MAP3K4: variants seen among roughly 807,000 people sequenced by gnomAD.
The protein encoded by MAP3K4 is mitogen-activated protein kinase kinase kinase 4, also known as MAP three kinase 1.
MAP3K4 carries 67 observed loss-of-function variants against 185.6 expected under a neutral mutation model. The ratio of observed to expected loss-of-function variants is 0.36; its 90% CI spans 0.30 to 0.44. The LOEUF (loss-of-function observed/expected upper bound fraction) is 0.44. Ranked by LOEUF, MAP3K4 falls within the 20% of genes least tolerant of loss-of-function variation. The pLI is 1.00. For synonymous variants in MAP3K4, 702 were observed against 710.4 expected, an observed-to-expected ratio of 0.99 and a Z score of 0.19; for missense variants, 1,551 against 1,995.1, an observed-to-expected ratio of 0.78 and a Z score of 4.24.
chr6:161,115,025 A>T lies in MAP3K4; in HGVS notation c.4627-98A>T. The T allele has an allele frequency of 9.1e-7, 1 of 1,095,512 alleles. No homozygotes were observed. Among genetic ancestry groups the T allele is most frequent in the Non-Finnish European group, 1.3e-6 (1 of 755,016 alleles). 67.9% of individuals were successfully genotyped at this position (1,095,512 alleles called of 1,614,324 possible). A position where few individuals can be genotyped will look rare whatever the true frequency, so the allele number is the denominator to read the frequency against. ...CAGTAAAAATTTGCTGTCCCCTGAT[A>T]TATATTAATGATGAGATGCTTAAAA... On this transcript the variant is annotated intron_variant, in intron 25 of 26. Coordinates refer to ENST00000392142, the MANE Select transcript of MAP3K4 (RefSeq NM_005922.4). The surrounding 1 kb of genome is among the most constrained non-coding windows in gnomAD (Gnocchi z 6.0).
rs1036854835 is a variant in MAP3K4 at position 161,108,630 on chromosome 6, G to A, written c.4120-113G>A. ...ACTTAATTTTTTGTTGTTTTTAATT[G>A]ACAAATCATGATTACATATATTTAT... On this transcript the variant is annotated intron_variant, in intron 21 of 26. Transcript: ENST00000392142. This position sits in a 1 kb window ranked among gnomAD's most constrained non-coding sequence, Gnocchi z 5.7. 4.3e-6 allele frequency: 3 copies of A among 699,112 alleles called. No individual in the cohort carries two copies. In the African/African-American group the frequency reaches 5.4e-5, roughly 13 times the overall value. The allele number at this position is 699,112 out of a possible 1,614,324, so 43.3% of individuals were successfully genotyped here.
chr6:160,994,383 G>A (rs1173040523), intron 1 of MAP3K4, among the ~76,000 whole-genome samples: 1 of 152,086 alleles, frequency 6.6e-6, no homozygotes. Context: ...AAGTGAATAC[G>A]ATGTTTGGTT....
chr6:161,001,127 A>G (rs1313427754), intron 1 of MAP3K4, among the ~76,000 whole-genome samples: 1 of 146,330 alleles, frequency 6.8e-6, no homozygotes, highest in Non-Finnish European at 1.5e-5. Flanking sequence ...ACACATATAT[A>G]ATACAAGTGT....
At position 161,037,479 on chromosome 6, in the gene MAP3K4, C is replaced by A. The variant is rs758865482; in HGVS notation, c.343+3030C>A. ...TGTTGCCCAGGCTGGAGTGCAGTGG[C>A]GCGATCTCAGCTCACTGCAACCTCC... is the stretch of plus-strand genomic sequence containing the variant. On this transcript the variant is annotated intron_variant, in intron 2 of 26. Coordinates refer to ENST00000392142, the MANE Select transcript of MAP3K4 (RefSeq NM_005922.4). The surrounding 1 kb of genome is among the most constrained non-coding windows in gnomAD (Gnocchi z 4.2). 2.0e-5 allele frequency among the ~76,000 whole-genome samples: 3 copies of A among 152,170 alleles called. No homozygotes were observed. Among genetic ancestry groups the A allele is most frequent in the Middle Eastern group, 3.4e-3 (1 of 294 alleles).
At chr6:161,015,308 A>G (rs952910993) in intron 1 of MAP3K4, among the ~76,000 whole-genome samples, 1 of 148,950 alleles carries the variant, frequency 6.7e-6, no homozygotes, top group Non-Finnish European at 1.5e-5. Flanking sequence ...GGGCCTGTTG[A>G]TGGTGGGGGG....
intron 1 of MAP3K4, among the ~76,000 whole-genome samples, chr6:161,003,174 C>T (rs1395945564): frequency 6.6e-6 from 1 of 152,082 alleles, no homozygotes; most frequent in Non-Finnish European, 1.5e-5. Flanking sequence ...AGTTTTAAGG[C>T]TTTTGAGAGG....
At chr6:161,081,465 C>T (rs1052763126) in intron 6 of MAP3K4, among the ~76,000 whole-genome samples, 5 of 151,984 alleles carry the variant, frequency 3.3e-5, no homozygotes, top group Admixed American at 6.5e-5. Flanking sequence ...AATATACCCG[C>T]GTATATCAGT....
intron 1 of MAP3K4, among the ~76,000 whole-genome samples, chr6:161,021,670 G>T (rs1326051544): frequency 1.3e-5 from 2 of 152,162 alleles, no homozygotes; most frequent in East Asian, 3.8e-4. Context: ...AAATACACTT[G>T]TGTATGTAAT....
Position 161,117,327 on chromosome 6 carries a change from T to A in MAP3K4, c.*457T>A, listed in dbSNP as rs1049978218. 6.4e-6 allele frequency: 1 copy of A among 156,756 alleles called. No individual in the cohort carries two copies. The highest frequency in any genetic ancestry group is 2.4e-5 in the African/African-American group (1 of 41,640). The allele number at this position is 156,756 out of a possible 1,614,324, so 9.7% of individuals were successfully genotyped here. A position where few individuals can be genotyped will look rare whatever the true frequency, so the allele number is the denominator to read the frequency against. ...CAGGTTTGTAATGCAAAAGGCTGAT[T>A]ACTGAAATTTAAGAAAAAGGTTCTT... On this transcript the variant is annotated 3_prime_UTR_variant, in exon 27 of 27. Transcript: ENST00000392142.
At position 161,108,997 on chromosome 6, in the gene MAP3K4, T is replaced by A; in HGVS notation, c.4236+138T>A. The A allele has an allele frequency of 6.3e-7, 1 of 1,598,818 alleles. No individual in the cohort carries two copies. On this transcript the variant is annotated intron_variant, in intron 22 of 26. Transcript: ENST00000392142. The surrounding 1 kb of genome is among the most constrained non-coding windows in gnomAD (Gnocchi z 5.7). The stretch of plus-strand genomic sequence containing the variant: ...TCTCAGGAAATCTCCATGAGTTACA[T>A]CATTTCTGCCTTCTCTCTGAAACTA...
chr6:161,010,877 T>C (rs1024172649), intron 1 of MAP3K4, among the ~76,000 whole-genome samples: 4 of 152,212 alleles, frequency 2.6e-5, no homozygotes, highest in Non-Finnish European at 5.9e-5. Flanking sequence ...TGTATAGCTT[T>C]GGGTGTGCTT....
chr6:161,095,696 T>G (rs1302907191), intron 15 of MAP3K4, among the ~76,000 whole-genome samples: 1 of 152,270 alleles, frequency 6.6e-6, no homozygotes. Flanking sequence ...ATGAATGTAC[T>G]GTAATTCTTT....
At chr6:161,020,381 C>T (rs1293145187) in intron 1 of MAP3K4, among the ~76,000 whole-genome samples, 3 of 152,062 alleles carry the variant, frequency 2.0e-5, no homozygotes, top group Admixed American at 1.3e-4. Flanking sequence ...AGTCCTGGGC[C>T]GGGCACAGTG....
In MAP3K4 at chr6:161,098,379, G is replaced by A; in HGVS notation, c.3626G>A (p.Gly1209Asp). ...AVAASRPSPS[G>D]GDSVLPKSIS... is the part of the protein sequence containing the mutation. Reference sequence around the variant, plus strand: ...GCTGCCAGTCGGCCCAGCCCCTCTGGTGGTGACTCTGTGCTGCCCAAATCC... The same window carrying A: ...GCTGCCAGTCGGCCCAGCCCCTCTGATGGTGACTCTGTGCTGCCCAAATCC... Residue 1209 changes from glycine (G) to aspartate (D), a missense_variant, in exon 17 of 27, where the codon GGT (glycine) becomes GAT (aspartate). By Grantham distance (94) the Gly-to-Asp change is moderately conservative. Transcript: ENST00000392142. This position sits in a 1 kb window ranked among gnomAD's most constrained non-coding sequence, Gnocchi z 4.4. The A allele has an allele frequency of 6.2e-7, 1 of 1,613,930 alleles. No homozygotes were observed. Among genetic ancestry groups the A allele is most frequent in the African/African-American group, 1.3e-5 (1 of 75,034 alleles).
rs1402063282 is a variant in MAP3K4, at chr6:161,100,391, AG to A, written c.3675-1499del. Among the ~76,000 whole-genome samples the A allele has an allele frequency of 7.9e-5, 12 of 152,162 alleles. No homozygotes were observed. The highest frequency in any genetic ancestry group is 1.5e-4 in the Non-Finnish European group (10 of 68,034). ...AAAGTTCAACTTCACTTGACCCTAGAGGTTTCAATAAGTATTTTTAATTGAT... is the reference window on the plus strand; with the variant it reads ...AAAGTTCAACTTCACTTGACCCTAGAGTTTCAATAAGTATTTTTAATTGAT... On this transcript the variant is annotated intron_variant, in intron 17 of 26. Transcript: ENST00000392142. The surrounding 1 kb of genome is among the most constrained non-coding windows in gnomAD (Gnocchi z 5.8).
chr6:161,044,529 CAA>C (rs1783630629), intron 2 of MAP3K4, among the ~76,000 whole-genome samples: 1 of 152,132 alleles, frequency 6.6e-6, no homozygotes, highest in Admixed American at 6.5e-5. Flanking sequence ...CCCCCGCACC[CAA>C]CACCCTAGTG....
chr6:161,038,380 T>C (rs1042492314), intron 2 of MAP3K4, among the ~76,000 whole-genome samples: 3 of 152,202 alleles, frequency 2.0e-5, no homozygotes, highest in East Asian at 1.9e-4. Flanking sequence ...CTCATAATAA[T>C]ATATTGGCCC....
Position 161,073,662 on chromosome 6 carries a change from T to TA in MAP3K4, c.2097+56dup. On this transcript the variant is annotated intron_variant, in intron 5 of 26. Transcript: ENST00000392142. The surrounding 1 kb of genome is among the most constrained non-coding windows in gnomAD (Gnocchi z 4.2). ...TTCTTTCTTTCTTTGTTTCTTTTTT[T>TA]AAAAAAGTAAGCCTGTATTTCCTTG... The TA allele has an allele frequency of 6.3e-7, 1 of 1,575,376 alleles. No individual in the cohort carries two copies. Among genetic ancestry groups the TA allele is most frequent in the African/African-American group, 1.4e-5 (1 of 73,096 alleles).
chr6:161,017,962 A>G lies in MAP3K4; in HGVS notation c.153-16297A>G, dbSNP rs1291561504. Among the ~76,000 whole-genome samples the G allele has an allele frequency of 1.3e-5, 2 of 152,218 alleles. No homozygotes were observed. Among genetic ancestry groups the G allele is most frequent in the Non-Finnish European group, 1.5e-5 (1 of 68,026 alleles). ...TTAGTGATTACAATAAACTCTTCTT[A>G]CGCTATTTGGAATAGACTTGAGTAT... is the stretch of plus-strand genomic sequence containing the variant. On this transcript the variant is annotated intron_variant, in intron 1 of 26. Transcript: ENST00000392142. The surrounding 1 kb of genome is among the most constrained non-coding windows in gnomAD (Gnocchi z 5.1).
Sources: gnomAD v4.1 joint callset for allele counts (sites outside exome capture counted in the v4.1 genomes callset) on GRCh38, gnomAD v4.1.1 for gene constraint, Gnocchi (gnomAD v3.1) non-coding constraint, MANE v1.5 for transcripts, NCBI Gene and HGNC (gene_info 2026-07-23, HGNC 2026-07-21) for gene names.